Variants in SLC7A14 observed in about 807,000 individuals in gnomAD.
The protein encoded by SLC7A14 is solute carrier family 7 member 14, also known as gamma-aminobutyric acid transporter SLC7A14.
In SLC7A14, 37 loss-of-function variants were observed where a neutral mutation model predicts 60.2. The observed-to-expected ratio is 0.61, with a 90% CI of 0.47 to 0.81. The LOEUF (loss-of-function observed/expected upper bound fraction) is 0.81, where lower values mean the gene tolerates loss of function less well. Among genes scored for constraint, SLC7A14 ranks in the 30% least tolerant of loss-of-function variants. The probability of loss-of-function intolerance (pLI) is 0.00; values close to 1 mark genes in which losing one functional copy is unlikely to be tolerated. For missense variants in SLC7A14, 886 were observed against 982.7 expected (o/e 0.90, Z 1.32); for synonymous variants, 399 against 395.8 (o/e 1.01, Z -0.10).
chr3:170,540,948 T>A (rs1714000591), intron 1 of SLC7A14, among the ~76,000 whole-genome samples: 1 of 152,174 alleles, frequency 6.6e-6, no homozygotes, highest in Admixed American at 6.5e-5. Flanking sequence ...TAAAAATATA[T>A]CAGTTATCAC....
chr3:170,557,159 T>C (rs1406163691), intron 1 of SLC7A14, among the ~76,000 whole-genome samples: 4 of 152,218 alleles, frequency 2.6e-5, no homozygotes, highest in Non-Finnish European at 5.9e-5. Flanking sequence ...TCCTGCCTTA[T>C]TGATTTATTT....
intron 4 of SLC7A14, among the ~76,000 whole-genome samples, chr3:170,492,015 T>C (rs1358093018): frequency 6.6e-6 from 1 of 152,210 alleles, no homozygotes; most frequent in African/African-American, 2.4e-5. Flanking sequence ...GAATGAGCTT[T>C]TCTTCCTTGC....
chr3:170,482,540 C>T (rs1208817867), intron 6 of SLC7A14, among the ~76,000 whole-genome samples: 2 of 152,250 alleles, frequency 1.3e-5, no homozygotes, highest in East Asian at 1.9e-4. Flanking sequence ...CAGCAGGCCC[C>T]TCATGCTGGA....
chr3:170,481,709 G>A lies in SLC7A14; in HGVS notation c.1116-543C>T, dbSNP rs542579895. Among the ~76,000 whole-genome samples, 3 of 152,226 alleles carry A rather than the reference G, an allele frequency of 2.0e-5. No homozygotes were observed. The South Asian group carries it at 6.2e-4, about 32-fold the overall frequency. ...GCCACTGTGCCTAGACTAGTTCTTT[G>A]ATTTTAAGGCAAAGTTCTTTAGTAA... On this transcript the variant is annotated intron_variant, in intron 6 of 7. Transcript: ENST00000231706.
Position 170,480,972 on chromosome 3 carries a change from A to G in SLC7A14, c.1310T>C (p.Ile437Thr), listed in dbSNP as rs780140003. The G allele has an allele frequency of 2.5e-6, 4 of 1,613,958 alleles. No individual in the cohort carries two copies. The highest frequency in any genetic ancestry group is 3.4e-6 in the Non-Finnish European group (4 of 1,180,000). Residue 437 changes from isoleucine (I) to threonine (T), a missense_variant, in exon 7 of 8, where the codon ATT becomes ACT. Ile to Thr is a moderately conservative substitution (Grantham distance 89, BLOSUM62 -1). Transcript: ENST00000231706. The part of the protein sequence containing the change: ...LLLRYQPESD[I>T]DGFVKFLSEE... ...AGACAAGAACTTGACAAAACCATCA[A>G]TGTCACTCTCAGGTTGGTATCGAAG... is the stretch of plus-strand genomic sequence containing the variant.
chr3:170,570,027 C>T (rs537313056), intron 1 of SLC7A14: 1 of 152,272 alleles, frequency 6.6e-6, no homozygotes, highest in South Asian at 2.1e-4. Context: ...CCCCTGCATA[C>T]AAGCTGAGAT....
At chr3:170,554,941 G>T (rs1200472287) in intron 1 of SLC7A14, among the ~76,000 whole-genome samples, 1 of 152,054 alleles carries the variant, frequency 6.6e-6, no homozygotes, top group South Asian at 2.1e-4. Context: ...GGCCGAGGTG[G>T]GCAGATCATC....
intron 1 of SLC7A14, among the ~76,000 whole-genome samples, chr3:170,571,789 G>T (rs999742254): frequency 2.6e-5 from 4 of 152,096 alleles, no homozygotes; most frequent in East Asian, 1.9e-4. Context: ...GGCCAGGCAC[G>T]TTGGCTCATG....
chr3:170,528,126 G>A (rs148112622), intron 1 of SLC7A14, among the ~76,000 whole-genome samples: 6 of 152,248 alleles, frequency 3.9e-5, no homozygotes, highest in Admixed American at 6.5e-5. Context: ...ATTTGACACC[G>A]TCATTTGGAT....
At chr3:170,529,385 C>T (rs1013013532) in intron 1 of SLC7A14, among the ~76,000 whole-genome samples, 3 of 152,164 alleles carry the variant, frequency 2.0e-5, no homozygotes, top group African/African-American at 7.2e-5. Flanking sequence ...TTTTTAATAA[C>T]TGAGTAGTAG....
In SLC7A14 at chr3:170,532,683, TTG is replaced by T. The variant is rs1252040602; in HGVS notation, c.-152-5597_-152-5596del. On this transcript the variant is annotated intron_variant, in intron 1 of 7. Coordinates refer to ENST00000231706, the MANE Select transcript of SLC7A14 (RefSeq NM_020949.3). This position sits in a 1 kb window ranked among gnomAD's most constrained non-coding sequence, Gnocchi z 4.0. ...CCCCTGACCAGGTGTTTTTTTTTTTTTGTTGTTGTTGTTCCCTGCTACTGACA... is the reference window on the plus strand; with the variant it reads ...CCCCTGACCAGGTGTTTTTTTTTTTTTTGTTGTTGTTCCCTGCTACTGACA... Among the ~76,000 whole-genome samples, 1 of 151,356 alleles carries T rather than the reference TTG, an allele frequency of 6.6e-6. No homozygotes were observed. Among genetic ancestry groups the T allele is most frequent in the Non-Finnish European group, 1.5e-5 (1 of 67,788 alleles).
intron 4 of SLC7A14, among the ~76,000 whole-genome samples, chr3:170,492,742 G>A (rs751039481): frequency 1.4e-4 from 22 of 152,252 alleles, no homozygotes; most frequent in Admixed American, 2.0e-4. Context: ...GGCCCCCTGC[G>A]TCTTGCTGAT....
At chr3:170,516,054 A>C (rs894249969) in intron 2 of SLC7A14, among the ~76,000 whole-genome samples, 4 of 152,282 alleles carry the variant, frequency 2.6e-5, no homozygotes, top group Non-Finnish European at 5.9e-5. Context: ...GTGCTGCAGA[A>C]GATGTAAAAG....
chr3:170,492,347 T>C (rs1016366218), intron 4 of SLC7A14, among the ~76,000 whole-genome samples: 1 of 152,150 alleles, frequency 6.6e-6, no homozygotes, highest in Non-Finnish European at 1.5e-5. Flanking sequence ...AAAATAGTAT[T>C]GAAAAAAATT....
chr3:170,571,470 C>T (rs1376954739), intron 1 of SLC7A14, among the ~76,000 whole-genome samples: 2 of 152,116 alleles, frequency 1.3e-5, no homozygotes, highest in East Asian at 1.9e-4. Context: ...TTGACAGTTA[C>T]GTGAGACTAA....
chr3:170,494,294 A>T (rs1000805651), intron 4 of SLC7A14, among the ~76,000 whole-genome samples: 1 of 152,258 alleles, frequency 6.6e-6, no homozygotes, highest in Admixed American at 6.5e-5. Context: ...GTCACAAAGA[A>T]AATGTTCAAT....
At chr3:170,515,134 G>C (rs1325037721) in intron 2 of SLC7A14, among the ~76,000 whole-genome samples, 3 of 151,942 alleles carry the variant, frequency 2.0e-5, no homozygotes. Context: ...CCAACACGGC[G>C]TAACCCCATC....
intron 1 of SLC7A14, among the ~76,000 whole-genome samples, chr3:170,577,099 A>C (rs149625712): frequency 6.6e-6 from 1 of 152,310 alleles, no homozygotes; most frequent in Non-Finnish European, 1.5e-5. Context: ...TTTCCTCTGG[A>C]CTAACTCTAT....
At chr3:170,544,855 CAG>C (rs1024490102) in intron 1 of SLC7A14, among the ~76,000 whole-genome samples, 46 of 152,278 alleles carry the variant, frequency 3.0e-4, no homozygotes, top group African/African-American at 1.1e-3. Context: ...CAGCTGCTGT[CAG>C]AGCTGGCACA....
Sources: allele counts gnomAD v4.1 joint callset (sites outside exome capture counted in the v4.1 genomes callset), GRCh38; gene constraint gnomAD v4.1.1; non-coding constraint Gnocchi (gnomAD v3.1); transcripts MANE v1.5; gene names NCBI Gene and HGNC (gene_info 2026-07-23, HGNC 2026-07-21).